Variants in MAPK10 observed in about 807,000 individuals in gnomAD.
MAPK10 encodes the protein JNK3 alpha protein kinase.
In MAPK10, 25 loss-of-function variants were observed where a neutral mutation model predicts 59.3. That is an observed-to-expected ratio of 0.42 (90% confidence interval 0.31 to 0.59). The LOEUF is 0.59. MAPK10 is among the 20% of genes least tolerant of loss of function. MAPK10 has a pLI of 0.15. For synonymous variants in MAPK10, 190 were observed against 200.5 expected (o/e 0.95, Z 0.44); for missense variants, 351 against 568.9 (o/e 0.62, Z 3.90).
At chr4:86,177,067 A>C (rs993669097) in intron 3 of MAPK10, among the ~76,000 whole-genome samples, 1 of 152,126 alleles carries the variant, frequency 6.6e-6, no homozygotes, top group South Asian at 2.1e-4. Context: ...TCCCCATTAC[A>C]TGAAAAACTA....
chr4:86,037,746 A>C (rs1402137760), intron 11 of MAPK10, among the ~76,000 whole-genome samples: 2 of 152,242 alleles, frequency 1.3e-5, no homozygotes, highest in Non-Finnish European at 2.9e-5. Context: ...AAATGAGAAT[A>C]TAGAAACTGA....
In MAPK10 at chr4:86,168,418, C is replaced by A. The variant is rs28849082; in HGVS notation, c.67-8951G>T. On this transcript the variant is annotated intron_variant, in intron 3 of 13. Transcript: ENST00000641462. ...TGCACCAGGAGATTATATCCCGCAC[C>A]TGGCTTGAAGGGTCCTACACGCACG... Among the ~76,000 whole-genome samples, 895 of 152,310 alleles carry A rather than the reference C, an allele frequency of 5.9e-3. 11 individuals are homozygous for A. Among genetic ancestry groups the A allele is most frequent in the African/African-American group, 0.019 (803 of 41,584 alleles).
At chr4:86,378,942 T>C (rs977210831) in intron 1 of MAPK10, among the ~76,000 whole-genome samples, 1 of 152,156 alleles carries the variant, frequency 6.6e-6, no homozygotes, top group Middle Eastern at 3.2e-3. Context: ...AGAATTGAAA[T>C]GTAGGCCTGA....
intron 1 of MAPK10, among the ~76,000 whole-genome samples, chr4:86,410,878 G>GT (rs1214212201): frequency 6.6e-6 from 1 of 151,976 alleles, no homozygotes; most frequent in Admixed American, 6.6e-5. Context: ...TTTCGGAAGG[G>GT]TTTTTTTGTA....
intron 2 of MAPK10, among the ~76,000 whole-genome samples, chr4:86,255,850 C>T (rs2093685602): frequency 6.6e-6 from 1 of 152,052 alleles, no homozygotes; most frequent in African/African-American, 2.4e-5. Flanking sequence ...TTAATTTTCA[C>T]CCCAATAGAA....
chr4:86,180,204 C>A (rs141442922), intron 3 of MAPK10, among the ~76,000 whole-genome samples: 3 of 151,766 alleles, frequency 2.0e-5, no homozygotes, highest in Admixed American at 6.6e-5. Flanking sequence ...AGAAGACACA[C>A]GAATGGCCAA....
intron 2 of MAPK10, among the ~76,000 whole-genome samples, chr4:86,243,899 A>C (rs1429032343): frequency 6.6e-6 from 1 of 152,150 alleles, no homozygotes; most frequent in East Asian, 1.9e-4. Flanking sequence ...TTTCATGACT[A>C]CACATGACTA....
intron 2 of MAPK10, among the ~76,000 whole-genome samples, chr4:86,281,699 G>GGAA (rs2094815181): frequency 6.6e-6 from 1 of 152,052 alleles, no homozygotes; most frequent in African/African-American, 2.4e-5. Flanking sequence ...GGCTCCTTGA[G>GGAA]GAAGAGCACA....
In MAPK10 at chr4:86,371,161, T is replaced by C. The variant is rs148419766; in HGVS notation, c.-121-16517A>G. ...GCTTTTTGAGTCATTTAACAAATAC[T>C]ACCTTATGATAAGTCAAAGTCGCTA... On this transcript the variant is annotated intron_variant, in intron 1 of 13. Coordinates refer to the MAPK10 transcript ENST00000361569. Among the ~76,000 whole-genome samples the C allele has an allele frequency of 1.7e-3, 252 of 152,370 alleles. 2 individuals carry two copies. Among genetic ancestry groups the C allele is most frequent in the Non-Finnish European group, 3.1e-3 (208 of 68,040 alleles).
rs1351973724 is a variant in MAPK10, at chr4:86,014,773, A to C, written c.*2455T>G. 6.6e-6 allele frequency: 1 copy of C among 152,168 alleles called. No individual in the cohort carries two copies. The highest frequency in any genetic ancestry group is 1.9e-4 in the East Asian group (1 of 5,178). 9.4% of individuals were successfully genotyped at this position (152,168 alleles called of 1,614,324 possible). A position where few individuals can be genotyped will look rare whatever the true frequency, so the allele number is the denominator to read the frequency against. On this transcript the variant is annotated 3_prime_UTR_variant, in exon 14 of 14. Coordinates refer to ENST00000641462, the MANE Select transcript of MAPK10 (RefSeq NM_138982.4). ...AATTCACCACTTATGCAGGTACGAG[A>C]GATAGCCTGTCAAGCACTTTGAAGA...
intron 11 of MAPK10, among the ~76,000 whole-genome samples, chr4:86,046,327 AC>A (rs2042492469): frequency 1.3e-5 from 2 of 151,664 alleles, no homozygotes; most frequent in African/African-American, 2.4e-5. Flanking sequence ...CCTGGCCAGA[AC>A]TTCCAATACT....
intron 2 of MAPK10, among the ~76,000 whole-genome samples, chr4:86,257,790 T>C (rs1261286945): frequency 6.6e-6 from 1 of 152,202 alleles, no homozygotes; most frequent in Non-Finnish European, 1.5e-5. Context: ...ACACATTCCA[T>C]GCCCTTTTCC....
At chr4:86,590,826 A>T (rs150593126) in intron 1 of MAPK10, among the ~76,000 whole-genome samples, 16 of 152,232 alleles carry the variant, frequency 1.1e-4, no homozygotes, top group African/African-American at 3.4e-4. Flanking sequence ...ATTATACTGG[A>T]TATATAACTT....
chr4:86,428,439 A>G (rs1747592154), intron 1 of MAPK10, among the ~76,000 whole-genome samples: 2 of 152,150 alleles, frequency 1.3e-5, no homozygotes, highest in African/African-American at 4.8e-5. Flanking sequence ...GATTACATGC[A>G]TGAGCCATCA....
rs35357476 is a variant in MAPK10, at chr4:86,191,553, C to CTTTTTTTTTTTTTTTTTTTT, written c.66+2763_66+2782dup. ...TCAGAGACTAGGATTACAACCCGTG[C>CTTTTTTTTTTTTTTTTTTTT]TTTTTTTTTTTTTTTTTTTTTTTTT... On this transcript the variant is annotated intron_variant, in intron 3 of 13. Coordinates refer to ENST00000641462, the MANE Select transcript of MAPK10 (RefSeq NM_138982.4). 3.3e-4 allele frequency: 10 copies of CTTTTTTTTTTTTTTTTTTTT among 30,414 alleles called. 3 individuals carry two copies. Among genetic ancestry groups the CTTTTTTTTTTTTTTTTTTTT allele is most frequent in the East Asian group, 6.1e-3 (2 of 330 alleles). 1.9% of individuals were successfully genotyped at this position (30,414 alleles called of 1,614,324 possible).
At chr4:86,130,112 A>G (rs1475100998) in intron 4 of MAPK10, among the ~76,000 whole-genome samples, 1 of 152,180 alleles carries the variant, frequency 6.6e-6, no homozygotes, top group Non-Finnish European at 1.5e-5. Context: ...CTACAGGGAA[A>G]TGAAATTCTA....
At chr4:86,091,677 A>T (rs1265410215) in intron 9 of MAPK10, among the ~76,000 whole-genome samples, 1 of 143,204 alleles carries the variant, frequency 7.0e-6, no homozygotes, top group Non-Finnish European at 1.5e-5. Context: ...ACAGTTGTTA[A>T]TTTTTTTTTT....
intron 1 of MAPK10, among the ~76,000 whole-genome samples, chr4:86,460,465 G>A (rs147962463): frequency 7.2e-5 from 11 of 152,132 alleles, no homozygotes; most frequent in Non-Finnish European, 1.3e-4. Flanking sequence ...GAGATCACCC[G>A]TCACATGTAA....
At chr4:86,097,386 G>C (rs2054442332) in intron 9 of MAPK10, among the ~76,000 whole-genome samples, 1 of 151,674 alleles carries the variant, frequency 6.6e-6, no homozygotes, top group Admixed American at 6.6e-5. Context: ...TGTTGAGTCA[G>C]GTTTTTTTGT....
Sources: gnomAD v4.1 joint callset for allele counts (sites outside exome capture counted in the v4.1 genomes callset) on GRCh38, gnomAD v4.1.1 for gene constraint, MANE v1.5 for transcripts, NCBI Gene and HGNC (gene_info 2026-07-23, HGNC 2026-07-21) for gene names.